Variants in GABRG3 observed in about 807,000 individuals in gnomAD.
GABRG3 encodes gamma-aminobutyric acid type A receptor subunit gamma3, also known as gamma-aminobutyric acid receptor subunit gamma-3.
Under a neutral mutation model 48.8 loss-of-function variants are expected in GABRG3, and 25 were observed. The ratio of observed to expected loss-of-function variants is 0.51; its 90% CI spans 0.37 to 0.72. GABRG3 has a LOEUF of 0.72. Ranked by LOEUF, GABRG3 falls within the 30% of genes least tolerant of loss-of-function variation. GABRG3 has a pLI of 0.00. For missense variants in GABRG3, 394 were observed against 577.9 expected (o/e 0.68, Z 3.26); for synonymous variants, 227 against 217.6 (o/e 1.04, Z -0.38).
intron 3 of GABRG3, among the ~76,000 whole-genome samples, chr15:27,190,300 G>A (rs1888249111): frequency 6.6e-6 from 1 of 152,156 alleles, no homozygotes; most frequent in South Asian, 2.1e-4. Context: ...CAGAAGGAAT[G>A]GCACCAGTTC....
rs977835793 is a variant in GABRG3, at chr15:26,974,613, G to T, written c.54-2389G>T. Among the ~76,000 whole-genome samples, 2 of 151,776 alleles carry T rather than the reference G, an allele frequency of 1.3e-5. No homozygotes were observed. Among genetic ancestry groups the T allele is most frequent in the East Asian group, 1.9e-4 (1 of 5,132 alleles). On this transcript the variant is annotated intron_variant, in intron 1 of 9. Transcript: ENST00000615808. This position sits in a 1 kb window ranked among gnomAD's most constrained non-coding sequence, Gnocchi z 4.3. The stretch of plus-strand genomic sequence containing the variant: ...GGGAGGAAGGCACCTGGGCTGAGTC[G>T]CCAAGTGTCCTGAGCATGTTGTGCC...
chr15:27,396,405 G>A (rs373022828), intron 5 of GABRG3, among the ~76,000 whole-genome samples: 9 of 152,290 alleles, frequency 5.9e-5, no homozygotes, highest in African/African-American at 1.9e-4. Flanking sequence ...ATGAAAATAT[G>A]CTCAACATAA....
chr15:27,358,236 G>T (rs1203439281), intron 5 of GABRG3, among the ~76,000 whole-genome samples: 3 of 152,118 alleles, frequency 2.0e-5, no homozygotes, highest in Non-Finnish European at 4.4e-5. Context: ...AAACACCCCA[G>T]TCTGAAAATA....
chr15:27,176,429 A>T (rs1267880739), intron 3 of GABRG3, among the ~76,000 whole-genome samples: 1 of 152,208 alleles, frequency 6.6e-6, no homozygotes, highest in African/African-American at 2.4e-5. Context: ...GTTCTAGGTT[A>T]TGCCAAAGGA....
chr15:27,023,637 G>A (rs776081062), intron 2 of GABRG3, among the ~76,000 whole-genome samples: 7 of 152,182 alleles, frequency 4.6e-5, no homozygotes, highest in Non-Finnish European at 5.9e-5. Context: ...CACGTATCAC[G>A]ATATCCTTCC....
At chr15:27,217,754 G>A (rs1889310884) in intron 3 of GABRG3, among the ~76,000 whole-genome samples, 1 of 152,132 alleles carries the variant, frequency 6.6e-6, no homozygotes, top group South Asian at 2.1e-4. Flanking sequence ...CTCAACATAG[G>A]CACACATAGT....
chr15:27,517,096 C>A (rs1000039813), intron 6 of GABRG3, among the ~76,000 whole-genome samples: 1 of 147,936 alleles, frequency 6.8e-6, no homozygotes, highest in Non-Finnish European at 1.5e-5. Context: ...TCCATGCATG[C>A]GCCCAGCACT....
chr15:27,439,121 A>G (rs550029753), intron 5 of GABRG3, among the ~76,000 whole-genome samples: 1 of 152,272 alleles, frequency 6.6e-6, no homozygotes, highest in Admixed American at 6.5e-5. Context: ...GCCTCCTCCA[A>G]GGTCAGAACC....
At chr15:27,307,876 T>TAAAC (rs1892719850) in intron 3 of GABRG3, among the ~76,000 whole-genome samples, 1 of 34,686 alleles carries the variant, frequency 2.9e-5, no homozygotes, top group African/African-American at 1.4e-4. Context: ...TATAAATGTA[T>TAAAC]ATGTTTATAT....
Position 27,451,408 on chromosome 15 carries a change from A to T in GABRG3, c.575-29242A>T, listed in dbSNP as rs186944761. On this transcript the variant is annotated intron_variant, in intron 5 of 9. Coordinates refer to ENST00000615808, the MANE Select transcript of GABRG3 (RefSeq NM_033223.5). ...ATGCATTTCTGGTCAATTAATTTTT[A>T]AAAAAAGATGACAAGAACATGAAAT... 1.6e-3 allele frequency among the ~76,000 whole-genome samples: 238 copies of T among 152,284 alleles called. 4 individuals carry two copies. In the East Asian group the frequency reaches 0.026, roughly 16 times the overall value.
At chr15:27,186,926 G>C (rs949850553) in intron 3 of GABRG3, among the ~76,000 whole-genome samples, 1 of 152,006 alleles carries the variant, frequency 6.6e-6, no homozygotes, top group Non-Finnish European at 1.5e-5. Flanking sequence ...TCTTTAATTA[G>C]GTTTCACTTG....
At chr15:27,431,415 G>A (rs557273400) in intron 5 of GABRG3, among the ~76,000 whole-genome samples, 3 of 151,892 alleles carry the variant, frequency 2.0e-5, no homozygotes, top group African/African-American at 4.8e-5. Flanking sequence ...TATTCTAATC[G>A]TTTTTTTGTG....
chr15:27,001,344 G>A (rs1276187841), intron 2 of GABRG3, among the ~76,000 whole-genome samples: 4 of 152,166 alleles, frequency 2.6e-5, no homozygotes, highest in Non-Finnish European at 2.9e-5. Context: ...ACCCCTCTGA[G>A]GCCCAGGTGG....
intron 5 of GABRG3, chr15:27,349,980 C>T: frequency 1.4e-5 from 4 of 281,338 alleles, no homozygotes; most frequent in South Asian, 6.1e-5. Context: ...ACCTAACTTT[C>T]CCATCGGTAC....
At chr15:27,150,671 A>G (rs1898294551) in intron 3 of GABRG3, among the ~76,000 whole-genome samples, 1 of 152,180 alleles carries the variant, frequency 6.6e-6, no homozygotes, top group South Asian at 2.1e-4. Flanking sequence ...CACTCATCAG[A>G]AGGCACTTTG....
chr15:27,212,284 G>A (rs1258136618), intron 3 of GABRG3, among the ~76,000 whole-genome samples: 2 of 152,148 alleles, frequency 1.3e-5, no homozygotes, highest in African/African-American at 4.8e-5. Context: ...GCATCGCTCC[G>A]GGTGTTTCAG....
intron 6 of GABRG3, among the ~76,000 whole-genome samples, chr15:27,507,312 TG>T (rs1890783877): frequency 6.6e-6 from 1 of 152,094 alleles, no homozygotes; most frequent in Admixed American, 6.5e-5. Context: ...AAGACCAGCC[TG>T]GCCAAAATGG....
chr15:27,003,201 A>ATTTT (rs768022244), intron 2 of GABRG3, among the ~76,000 whole-genome samples: 103 of 139,206 alleles, frequency 7.4e-4, no homozygotes, highest in African/African-American at 2.5e-3. Flanking sequence ...TTTTTATTTT[A>ATTTT]TATTTATTTA....
At chr15:27,008,770 C>T (rs554195894) in intron 2 of GABRG3, among the ~76,000 whole-genome samples, 7 of 152,220 alleles carry the variant, frequency 4.6e-5, no homozygotes, top group African/African-American at 1.7e-4. Context: ...GCAGAGCAGC[C>T]ACTGCTCACT....
Sources: allele counts gnomAD v4.1 joint callset (sites outside exome capture counted in the v4.1 genomes callset), GRCh38; gene constraint gnomAD v4.1.1; non-coding constraint Gnocchi (gnomAD v3.1); transcripts MANE v1.5; gene names NCBI Gene and HGNC (gene_info 2026-07-23, HGNC 2026-07-21).